BACH2: variants seen among roughly 807,000 people sequenced by gnomAD.
BACH2 encodes the protein BACH transcriptional regulator 2.
BACH2 carries 5 observed loss-of-function variants against 61.8 expected under a neutral mutation model. That is an observed-to-expected ratio of 0.08 (90% CI 0.04 to 0.17). The LOEUF (loss-of-function observed/expected upper bound fraction) is 0.17, where lower values mean the gene tolerates loss of function less well. Among genes scored for constraint, BACH2 ranks in the 10% least tolerant of loss-of-function variants. The pLI, the probability that BACH2 is intolerant of heterozygous loss-of-function variation, is 1.00. For missense variants in BACH2, 824 were observed against 1,091.1 expected (o/e 0.76, Z 3.45); for synonymous variants, 446 against 440.1 (o/e 1.01, Z -0.17).
Position 90,200,997 on chromosome 6 carries a change from T to A in BACH2, c.-162+5572A>T, listed in dbSNP as rs144328605. 7.9e-5 allele frequency among the ~76,000 whole-genome samples: 12 copies of A among 152,336 alleles called. No homozygotes were observed. The East Asian group carries it at 2.3e-3, about 29-fold the overall frequency. On this transcript the variant is annotated intron_variant, in intron 4 of 8. Transcript: ENST00000257749. ...ACCTTTTTTTAAAAAATGAAATGAT[T>A]AGACTGCACATGCTGTTATATAACT...
At chr6:90,059,217 G>C (rs1780546339) in intron 5 of BACH2, among the ~76,000 whole-genome samples, 1 of 152,234 alleles carries the variant, frequency 6.6e-6, no homozygotes. Flanking sequence ...AGTTTTGCAA[G>C]CTACTCATCT....
intron 5 of BACH2, among the ~76,000 whole-genome samples, chr6:90,020,018 C>A (rs1162279317): frequency 1.3e-5 from 2 of 152,160 alleles, no homozygotes; most frequent in Admixed American, 6.5e-5. Flanking sequence ...ATGGTATAAT[C>A]TAAAATATAT....
Position 90,008,915 on chromosome 6 carries a change from A to G in BACH2, c.-12-59T>C. 1 of 1,572,448 alleles carries G rather than the reference A, an allele frequency of 6.4e-7. No individual in the cohort carries two copies. The highest frequency in any genetic ancestry group is 8.6e-7 in the Non-Finnish European group (1 of 1,158,158). ...AGAAAGGCTGAGTCACCACAGCTGT[A>G]GGATCAGAGAGAGGAGGTGAGAAAG... is the stretch of plus-strand genomic sequence containing the variant. On this transcript the variant is annotated intron_variant, in intron 5 of 8. Transcript: ENST00000257749. The surrounding 1 kb of genome is among the most constrained non-coding windows in gnomAD (Gnocchi z 4.1).
intron 3 of BACH2, among the ~76,000 whole-genome samples, chr6:90,246,992 G>T (rs144196747): frequency 1.3e-5 from 2 of 151,826 alleles, no homozygotes; most frequent in African/African-American, 4.8e-5. Flanking sequence ...TACTTGTTAC[G>T]AATCAAGTTT....
At chr6:90,062,760 G>GTT (rs34103730) in intron 5 of BACH2, 644 of 180,834 alleles carry the variant, frequency 3.6e-3, no homozygotes, top group South Asian at 4.8e-3. Flanking sequence ...CTCTCCAACT[G>GTT]TTTTTTTTTT....
intron 2 of BACH2, among the ~76,000 whole-genome samples, chr6:90,260,296 C>A (rs1771115770): frequency 6.6e-6 from 1 of 152,036 alleles, no homozygotes; most frequent in Non-Finnish European, 1.5e-5. Flanking sequence ...CTTTTAATTT[C>A]TTCTTTGACC....
chr6:90,020,700 C>G (rs1003663583), intron 5 of BACH2, among the ~76,000 whole-genome samples: 1 of 152,086 alleles, frequency 6.6e-6, no homozygotes, highest in Admixed American at 6.6e-5. Context: ...TTTGACTGGC[C>G]AATGCCAAAC....
At chr6:89,945,858 A>G (rs1335307929) in intron 7 of BACH2, among the ~76,000 whole-genome samples, 1 of 152,174 alleles carries the variant, frequency 6.6e-6, no homozygotes, top group Non-Finnish European at 1.5e-5. Context: ...TTTTATTTAT[A>G]TGGTGTGTAT....
intron 5 of BACH2, among the ~76,000 whole-genome samples, chr6:90,030,013 T>C (rs1431921193): frequency 6.6e-6 from 1 of 152,228 alleles, no homozygotes; most frequent in Non-Finnish European, 1.5e-5. Context: ...GCTTTATTTC[T>C]GAAGCTCTCT....
chr6:90,097,347 T>C (rs1782422213), intron 4 of BACH2, among the ~76,000 whole-genome samples: 1 of 152,230 alleles, frequency 6.6e-6, no homozygotes, highest in East Asian at 1.9e-4. Flanking sequence ...TGAGTCCCAC[T>C]GTCTCACTGT....
At position 89,931,880 on chromosome 6, in the gene BACH2, TAA is replaced by T. The variant is rs1469513202; in HGVS notation, c.*526_*527del. ...TTGGAACCTGTTTCTAAATGAGAAA[TAA>T]GTTTCCAGTTTTAGGATGAGAAAGT... On this transcript the variant is annotated 3_prime_UTR_variant, in exon 9 of 9. Coordinates refer to ENST00000257749, the MANE Select transcript of BACH2 (RefSeq NM_021813.4). The T allele has an allele frequency of 6.6e-6, 1 of 151,088 alleles. No individual in the cohort carries two copies. The highest frequency in any genetic ancestry group is 1.9e-4 in the East Asian group (1 of 5,310). The allele number at this position is 151,088 out of a possible 1,614,324, so 9.4% of individuals were successfully genotyped here.
At chr6:90,102,451 T>G (rs1167239869) in intron 4 of BACH2, among the ~76,000 whole-genome samples, 1 of 152,188 alleles carries the variant, frequency 6.6e-6, no homozygotes, top group Admixed American at 6.5e-5. Flanking sequence ...TTTGTTTCAA[T>G]GAAAAACCAC....
chr6:90,089,445 C>T (rs1002579210), intron 4 of BACH2, among the ~76,000 whole-genome samples: 14 of 151,944 alleles, frequency 9.2e-5, no homozygotes, highest in Non-Finnish European at 8.8e-5. Context: ...TTTCATCTCA[C>T]GTTTTCTGTC....
At chr6:90,027,620 T>C (rs1259344267) in intron 5 of BACH2, among the ~76,000 whole-genome samples, 3 of 152,180 alleles carry the variant, frequency 2.0e-5, no homozygotes, top group Admixed American at 2.0e-4. Flanking sequence ...TTTCGCACTT[T>C]CTTGACTCTA....
intron 2 of BACH2, among the ~76,000 whole-genome samples, chr6:90,262,847 TC>T (rs1719576710): frequency 1.3e-5 from 2 of 152,296 alleles, no homozygotes; most frequent in South Asian, 4.1e-4. Context: ...AAACTAGAGT[TC>T]ACATTTCACA....
At chr6:90,283,996 G>A (rs2127888210) in intron 1 of BACH2, among the ~76,000 whole-genome samples, 1 of 151,866 alleles carries the variant, frequency 6.6e-6, no homozygotes, top group East Asian at 1.9e-4. Context: ...GACAGGACAA[G>A]ACTCCATCTC....
intron 1 of BACH2, among the ~76,000 whole-genome samples, chr6:90,273,451 G>A (rs979406842): frequency 6.6e-6 from 1 of 152,174 alleles, no homozygotes; most frequent in Non-Finnish European, 1.5e-5. Context: ...GAACTTAGAA[G>A]AGTGCCTAGC....
At chr6:90,223,646 G>GT (rs945361571) in intron 3 of BACH2, among the ~76,000 whole-genome samples, 2 of 149,992 alleles carry the variant, frequency 1.3e-5, no homozygotes, top group Admixed American at 6.6e-5. Context: ...TTTTTTTTTT[G>GT]TTTTTTTAAG....
chr6:90,063,798 C>T (rs764464897), intron 5 of BACH2, among the ~76,000 whole-genome samples: 6 of 152,004 alleles, frequency 3.9e-5, no homozygotes, highest in South Asian at 2.1e-4. Flanking sequence ...AATTGGATAC[C>T]GATAGATATC....
Sources: gnomAD v4.1 joint callset for allele counts (sites outside exome capture counted in the v4.1 genomes callset) on GRCh38, gnomAD v4.1.1 for gene constraint, Gnocchi (gnomAD v3.1) non-coding constraint, MANE v1.5 for transcripts, NCBI Gene and HGNC (gene_info 2026-07-23, HGNC 2026-07-21) for gene names.